ITSN2: variants seen among roughly 807,000 people sequenced by gnomAD.
ITSN2 encodes the protein intersectin 2, also known as intersectin-2.
ITSN2 carries 156 observed loss-of-function variants against 243.7 expected under a neutral mutation model. The observed-to-expected ratio is 0.64, with a 90% CI of 0.56 to 0.73. The LOEUF (loss-of-function observed/expected upper bound fraction) is 0.73, where lower values mean the gene tolerates loss of function less well. Ranked by LOEUF, ITSN2 falls within the 30% of genes least tolerant of loss-of-function variation. The pLI, the probability that ITSN2 is intolerant of heterozygous loss-of-function variation, is 0.00. For synonymous variants in ITSN2, 703 were observed against 699.9 expected, an observed-to-expected ratio of 1.00 and a Z score of -0.07; for missense variants, 1,801 against 1,996.1, an observed-to-expected ratio of 0.90 and a Z score of 1.86.
intron 1 of ITSN2, among the ~76,000 whole-genome samples, chr2:24,337,315 A>AATATATATATATATATACATATAT (rs1686505402): frequency 6.2e-5 from 2 of 32,026 alleles, no homozygotes; most frequent in Non-Finnish European, 1.1e-4. Context: ...GTATACACAA[A>AATATATATATATATATACATATAT]ATATATATAT....
In ITSN2 at chr2:24,254,444, TAAACAAACAAACAAAC is replaced by T. The variant is rs201002598; in HGVS notation, c.2889-29_2889-14del. ...CAAAGCTTCTGGTCTACCAAATATATAAACAAACAAACAAACAAACAAACAAATACAAGCAAAAATA... is the reference window on the plus strand; with the variant it reads ...CAAAGCTTCTGGTCTACCAAATATATAAACAAACAAATACAAGCAAAAATA... On this transcript the variant is annotated splice_polypyrimidine_tract_variant and intron_variant, in intron 23 of 39. Transcript: ENST00000355123. 6.3e-7 allele frequency: 1 copy of T among 1,587,384 alleles called. No individual in the cohort carries two copies. The highest frequency in any genetic ancestry group is 1.3e-5 in the African/African-American group (1 of 74,278).
At chr2:24,206,210 AAC>A (rs762730028) in intron 37 of ITSN2, 25 of 396,812 alleles carry the variant, frequency 6.3e-5, no homozygotes, top group Non-Finnish European at 1.2e-4. Context: ...CCATTAAAAT[AAC>A]ACTAAATTAG....
Position 24,216,048 on chromosome 2 carries a change from C to A in ITSN2, c.3990+1G>T. 6.3e-7 allele frequency: 1 copy of A among 1,590,010 alleles called. No individual in the cohort carries two copies. Among genetic ancestry groups the A allele is most frequent in the Non-Finnish European group, 8.6e-7 (1 of 1,166,296 alleles). On this transcript the variant is annotated splice_donor_variant, in intron 32 of 39. Transcript: ENST00000355123. LOFTEE classifies it high-confidence loss of function. ...ACCCGCAAGGCCCAGAATGGAATTA[C>A]CTTTAAAAATTCTTTGAAATCTGTG... is the stretch of plus-strand genomic sequence containing the variant.
At chr2:24,332,741 T>G (rs1225871801) in intron 1 of ITSN2, among the ~76,000 whole-genome samples, 1 of 152,228 alleles carries the variant, frequency 6.6e-6, no homozygotes, top group Non-Finnish European at 1.5e-5. Flanking sequence ...CTAGTCTATT[T>G]GCAGAGTAGT....
At chr2:24,220,019 G>A (rs892565899) in intron 30 of ITSN2, among the ~76,000 whole-genome samples, 7 of 152,196 alleles carry the variant, frequency 4.6e-5, no homozygotes, top group African/African-American at 1.2e-4. Flanking sequence ...ATCACCAACC[G>A]AGAAGTGCCA....
At chr2:24,244,726 A>G (rs1157871672) in intron 29 of ITSN2, among the ~76,000 whole-genome samples, 3 of 152,142 alleles carry the variant, frequency 2.0e-5, no homozygotes, top group Non-Finnish European at 4.4e-5. Context: ...CCAAGTTACA[A>G]TTTTCTTTAT....
chr2:24,323,069 C>A (rs1013329483), intron 2 of ITSN2, among the ~76,000 whole-genome samples: 1 of 151,804 alleles, frequency 6.6e-6, no homozygotes, highest in African/African-American at 2.4e-5. Flanking sequence ...ACACGGAGTG[C>A]TGATAAAGAT....
chr2:24,322,678 T>C (rs1353443858), intron 2 of ITSN2, among the ~76,000 whole-genome samples: 1 of 152,196 alleles, frequency 6.6e-6, no homozygotes, highest in Non-Finnish European at 1.5e-5. Flanking sequence ...CAATGACTTT[T>C]TGGAACACAA....
At chr2:24,311,233 G>A (rs1683229166) in intron 5 of ITSN2, among the ~76,000 whole-genome samples, 1 of 152,118 alleles carries the variant, frequency 6.6e-6, no homozygotes, top group Non-Finnish European at 1.5e-5. Flanking sequence ...ACATTCCTAT[G>A]AATTCAAGGA....
chr2:24,334,959 A>G (rs1686192211), intron 1 of ITSN2: 1 of 345,548 alleles, frequency 2.9e-6, no homozygotes, highest in African/African-American at 2.2e-5. Flanking sequence ...GCTACTCGGG[A>G]GGCTGAGGCA....
rs1669463523 is a variant in ITSN2 at position 24,211,207 on chromosome 2, G to A, written c.4090-260C>T. Among the ~76,000 whole-genome samples, 1 of 151,756 alleles carries A rather than the reference G, an allele frequency of 6.6e-6. No individual in the cohort carries two copies. Among genetic ancestry groups the A allele is most frequent in the African/African-American group, 2.4e-5 (1 of 41,284 alleles). On this transcript the variant is annotated intron_variant, in intron 33 of 39. Coordinates refer to ENST00000355123, the MANE Select transcript of ITSN2 (RefSeq NM_006277.3). This position sits in a 1 kb window ranked among gnomAD's most constrained non-coding sequence, Gnocchi z 4.1. ...GTGCTCTGAACTGTGTGGGTCTCTG[G>A]TTGCTCTCCGACTGGCTCCCGGTAA...
At chr2:24,358,872 G>A (rs1688696913) in intron 1 of ITSN2, among the ~76,000 whole-genome samples, 1 of 152,150 alleles carries the variant, frequency 6.6e-6, no homozygotes, top group African/African-American at 2.4e-5. Context: ...ATTCTGTACA[G>A]GTCAAGTTTT....
rs774543590 is a variant in ITSN2, at chr2:24,209,239, A to G, written c.4474-18T>C. ...AAAATGGGCTGAAAGAATTAGGGCC[A>G]AAACACAGGCTGTGAGATGGGCTAG... is the stretch of plus-strand genomic sequence containing the variant. On this transcript the variant is annotated intron_variant, in intron 35 of 39. Transcript: ENST00000355123. 1 of 1,613,732 alleles carries G rather than the reference A, an allele frequency of 6.2e-7. No homozygotes were observed. The highest frequency in any genetic ancestry group is 8.5e-7 in the Non-Finnish European group (1 of 1,179,762).
At chr2:24,313,082 C>CT (rs11442221) in intron 4 of ITSN2, among the ~76,000 whole-genome samples, 23,250 of 133,938 alleles carry the variant, frequency 0.17, 2,727 homozygotes, top group Non-Finnish European at 0.26. Flanking sequence ...GAAGAAATAC[C>CT]TTTTTTTTTT....
At position 24,310,563 on chromosome 2, in the gene ITSN2, G is replaced by C; in HGVS notation, c.482C>G (p.Ser161Cys). 2 of 1,614,152 alleles carry C rather than the reference G, an allele frequency of 1.2e-6. No homozygotes were observed. The highest frequency in any genetic ancestry group is 1.7e-6 in the Non-Finnish European group (2 of 1,180,000). Reference sequence around the variant, plus strand: ...ATTTGGTAATGATGATGTGCTAACAGAAGGCACTAGGGGAGTGGGCATCAT... The same window carrying C: ...ATTTGGTAATGATGATGTGCTAACACAAGGCACTAGGGGAGTGGGCATCAT... ...PLMMPTPLVPSVSTSSLPNGT... is the reference protein window; with the variant it reads ...PLMMPTPLVPCVSTSSLPNGT... Residue 161 changes from serine (S) to cysteine (C), a missense_variant, in exon 6 of 40, where the codon TCT (serine) becomes TGT (cysteine). Physicochemically the swap from Ser to Cys is moderately radical, Grantham distance 112 (BLOSUM62 -1). This residue lies in a region of ITSN2 where 787 missense variants were observed against 803.9 expected (regional missense o/e 0.98). Transcript: ENST00000355123.
chr2:24,217,142 G>A (rs535151531), intron 31 of ITSN2, among the ~76,000 whole-genome samples: 54 of 151,996 alleles, frequency 3.6e-4, no homozygotes, highest in African/African-American at 1.3e-3. Context: ...CCAGCTACTC[G>A]GGAGGCTGAG....
At chr2:24,346,718 T>C (rs1235168866) in intron 1 of ITSN2, among the ~76,000 whole-genome samples, 2 of 152,132 alleles carry the variant, frequency 1.3e-5, no homozygotes. Flanking sequence ...TCTGTAAATT[T>C]AAAACTGTTT....
rs139831266 is a variant in ITSN2 at position 24,351,818 on chromosome 2, G to A, written c.-34+8486C>T. On this transcript the variant is annotated intron_variant, in intron 1 of 39. Coordinates refer to ENST00000355123, the MANE Select transcript of ITSN2 (RefSeq NM_006277.3). Reference sequence around the variant, plus strand: ...ACAGTATCACAGTGCTTGTGTTCAAGTAACCCTTATTTTACTTAATAATGA... The same window carrying A: ...ACAGTATCACAGTGCTTGTGTTCAAATAACCCTTATTTTACTTAATAATGA... 2.0e-3 allele frequency among the ~76,000 whole-genome samples: 309 copies of A among 152,236 alleles called. 3 individuals are homozygous for A. The highest frequency in any genetic ancestry group is 7.4e-3 in the African/African-American group (307 of 41,542).
At chr2:24,212,878 A>AT (rs1359155544) in intron 32 of ITSN2, 130 bp from the exon 33 acceptor site, 21 of 753,880 alleles carry the variant, frequency 2.8e-5, no homozygotes, top group South Asian at 3.4e-5. Context: ...CTGTTTTAGA[A>AT]TTTTTTTTAG....
Sources: gnomAD v4.1 joint callset for allele counts (sites outside exome capture counted in the v4.1 genomes callset) on GRCh38, gnomAD v4.1.1 for gene constraint, gnomAD v4.1.1 regional missense constraint, Gnocchi (gnomAD v3.1) non-coding constraint, MANE v1.5 for transcripts, NCBI Gene and HGNC (gene_info 2026-07-23, HGNC 2026-07-21) for gene names.